Variants in DCDC1 observed in about 807,000 individuals in gnomAD.
DCDC1 encodes doublecortin domain-containing protein 1.
Under a neutral mutation model 178.3 loss-of-function variants are expected in DCDC1, and 200 were observed. The observed-to-expected ratio is 1.12, with a 90% CI of 1.00 to 1.26. DCDC1 has a LOEUF of 1.26. Ranked by LOEUF, DCDC1 falls within the 50% of genes most tolerant of loss-of-function variation. The pLI is 0.00. For synonymous variants in DCDC1, 690 were observed against 604.8 expected, an observed-to-expected ratio of 1.14 and a Z score of -2.07; for missense variants, 1,983 against 1,749.2, an observed-to-expected ratio of 1.13 and a Z score of -2.38.
At chr11:31,286,700 T>G (rs768325503) in intron 7 of DCDC1, among the ~76,000 whole-genome samples, 2 of 152,134 alleles carry the variant, frequency 1.3e-5, no homozygotes, top group South Asian at 4.2e-4. Context: ...CTCATAAATT[T>G]GAGATATCAG....
At chr11:31,082,677 T>C (rs1590980577) in intron 17 of DCDC1, among the ~76,000 whole-genome samples, 1 of 152,162 alleles carries the variant, frequency 6.6e-6, no homozygotes, top group East Asian at 1.9e-4. Context: ...TTTACACATA[T>C]ATATGTGTGT....
At chr11:31,200,716 C>T (rs149836854) in intron 9 of DCDC1, among the ~76,000 whole-genome samples, 1 of 151,762 alleles carries the variant, frequency 6.6e-6, no homozygotes, top group Non-Finnish European at 1.5e-5. Context: ...ATTTCATGTG[C>T]TATTTCCAGA....
chr11:31,247,186 T>C (rs1250700036), intron 8 of DCDC1, among the ~76,000 whole-genome samples: 3 of 152,044 alleles, frequency 2.0e-5, no homozygotes, highest in Non-Finnish European at 4.4e-5. Flanking sequence ...TTATTTTAAT[T>C]GCTGATGTGT....
intron 8 of DCDC1, among the ~76,000 whole-genome samples, chr11:31,256,571 C>A (rs946028860): frequency 3.3e-5 from 5 of 152,120 alleles, no homozygotes; most frequent in African/African-American, 1.2e-4. Context: ...TGAGTGGCGT[C>A]ATGTTTTGAT....
At position 30,985,119 on chromosome 11, in the gene DCDC1, C is replaced by G. The variant is rs1222351775; in HGVS notation, c.2592-32551G>C. ...AAATAAAAAGCACAACTTTTCGATT[C>G]TGTTTCCCACACTTCAAGTCTTCAG... On this transcript the variant is annotated intron_variant, in intron 20 of 38. Transcript: ENST00000684477. 5.9e-5 allele frequency among the ~76,000 whole-genome samples: 9 copies of G among 152,336 alleles called. No homozygotes were observed. In the East Asian group the frequency reaches 1.7e-3, roughly 29 times the overall value.
rs3076153 is a variant in DCDC1 at position 30,873,364 on chromosome 11, T to TAGAG, written c.*40+5176_*40+5179dup. On this transcript the variant is annotated intron_variant, in intron 38 of 38. Transcript: ENST00000684477. ...ATATACATATATATATATATATATA[T>TAGAG]AGAGAGAGAGAGAGAGAGAGAGAAC... Among the ~76,000 whole-genome samples the TAGAG allele has an allele frequency of 6.7e-3, 914 of 137,032 alleles. 13 individuals carry two copies. Among genetic ancestry groups the TAGAG allele is most frequent in the African/African-American group, 0.02 (709 of 36,262 alleles). The allele number at this position is 137,032 out of a possible 152,430, so 89.9% of individuals were successfully genotyped here.
chr11:31,118,483 T>C (rs1301253134), intron 11 of DCDC1, among the ~76,000 whole-genome samples: 1 of 152,204 alleles, frequency 6.6e-6, no homozygotes, highest in Non-Finnish European at 1.5e-5. Context: ...GAAGAATTTA[T>C]GCTCGATAAC....
At chr11:31,221,328 C>T (rs1974236951) in intron 9 of DCDC1, among the ~76,000 whole-genome samples, 1 of 152,104 alleles carries the variant, frequency 6.6e-6, no homozygotes, top group Non-Finnish European at 1.5e-5. Context: ...TTCCAAAATA[C>T]AATAATGGAC....
At chr11:30,879,135 T>A (rs73463199) in intron 37 of DCDC1, among the ~76,000 whole-genome samples, 3,430 of 152,258 alleles carry the variant, frequency 0.023, 136 homozygotes, top group African/African-American at 0.076. Context: ...ATTGATTTTT[T>A]AAAAAACCCG....
At chr11:31,239,589 A>T (rs1403756736) in intron 9 of DCDC1, among the ~76,000 whole-genome samples, 2 of 151,990 alleles carry the variant, frequency 1.3e-5, no homozygotes, top group African/African-American at 4.8e-5. Flanking sequence ...TAAGTATCAT[A>T]TTAAAACTGC....
chr11:31,145,369 C>T (rs987183578), intron 9 of DCDC1, among the ~76,000 whole-genome samples: 3 of 152,036 alleles, frequency 2.0e-5, no homozygotes, highest in South Asian at 4.1e-4. Context: ...AAGATAGGAA[C>T]GAGTGCGTTG....
At chr11:30,969,425 T>C (rs1319330141) in intron 20 of DCDC1, among the ~76,000 whole-genome samples, 1 of 152,180 alleles carries the variant, frequency 6.6e-6, no homozygotes, top group Non-Finnish European at 1.5e-5. Context: ...AAGGAATGTA[T>C]TGTTCCCTAT....
intron 20 of DCDC1, among the ~76,000 whole-genome samples, chr11:31,024,439 G>T (rs888010967): frequency 5.9e-5 from 9 of 151,718 alleles, no homozygotes. Context: ...TCATAATAAA[G>T]AAAGTACTAT....
At chr11:30,978,777 T>TC (rs1950230437) in intron 20 of DCDC1, among the ~76,000 whole-genome samples, 2 of 106,062 alleles carry the variant, frequency 1.9e-5, no homozygotes, top group Admixed American at 9.9e-5. Flanking sequence ...CAGTCCCCCC[T>TC]CAACACACAC....
intron 8 of DCDC1, among the ~76,000 whole-genome samples, chr11:31,255,727 C>T (rs1445325138): frequency 6.6e-6 from 1 of 151,806 alleles, no homozygotes; most frequent in Non-Finnish European, 1.5e-5. Context: ...GGTTTTAAAC[C>T]CTTTTCAGAT....
intron 2 of DCDC1, among the ~76,000 whole-genome samples, chr11:31,330,662 C>T (rs1409321355): frequency 6.6e-6 from 1 of 152,164 alleles, no homozygotes; most frequent in Non-Finnish European, 1.5e-5. Flanking sequence ...CGAATTCTTT[C>T]CCCATTTCTT....
At chr11:31,291,763 T>G (rs1255623977) in intron 6 of DCDC1, among the ~76,000 whole-genome samples, 1 of 152,122 alleles carries the variant, frequency 6.6e-6, no homozygotes, top group African/African-American at 2.4e-5. Context: ...AAACATAATT[T>G]TATTTATAGA....
At chr11:31,282,216 G>A (rs1565544953) in intron 7 of DCDC1, among the ~76,000 whole-genome samples, 1 of 151,816 alleles carries the variant, frequency 6.6e-6, no homozygotes, top group Non-Finnish European at 1.5e-5. Flanking sequence ...TTTGTTTTTT[G>A]AAAAGTTTTT....
At chr11:31,340,227 A>G (rs1427492162) in intron 1 of DCDC1, among the ~76,000 whole-genome samples, 1 of 77,372 alleles carries the variant, frequency 1.3e-5, no homozygotes, top group Non-Finnish European at 2.9e-5. Context: ...CCCAGGATAT[A>G]AAAAAAAATT....
Sources: allele counts gnomAD v4.1 joint callset (sites outside exome capture counted in the v4.1 genomes callset), GRCh38; gene constraint gnomAD v4.1.1; transcripts MANE v1.5; gene names NCBI Gene and HGNC (gene_info 2026-07-23, HGNC 2026-07-21).